MYO16: variants seen among roughly 807,000 people sequenced by gnomAD.
MYO16 encodes myosin XVI.
MYO16 carries 94 observed loss-of-function variants against 205.3 expected under a neutral mutation model. The ratio of observed to expected loss-of-function variants is 0.46; its 90% CI spans 0.39 to 0.54. The LOEUF (loss-of-function observed/expected upper bound fraction) is 0.54. Ranked by LOEUF, MYO16 falls within the 20% of genes least tolerant of loss-of-function variation. The pLI is 0.00. For synonymous variants in MYO16, 988 were observed against 954.0 expected, an observed-to-expected ratio of 1.04 and a Z score of -0.66; for missense variants, 2,315 against 2,387.5, an observed-to-expected ratio of 0.97 and a Z score of 0.63.
At chr13:108,964,705 G>T (rs1371148349) in intron 19 of MYO16, 56 bp from the exon 20 acceptor site, 1 of 1,578,766 alleles carries the variant, frequency 6.3e-7, no homozygotes. Flanking sequence ...GTTTTGGTTG[G>T]CTTCTAAATG....
chr13:109,036,698 T>G (rs1886727854), intron 23 of MYO16, among the ~76,000 whole-genome samples: 4 of 152,198 alleles, frequency 2.6e-5, no homozygotes, highest in Admixed American at 2.6e-4. Flanking sequence ...AGATCCATAT[T>G]GAGTCGCATG....
At chr13:109,133,962 G>C (rs1444392475) in intron 31 of MYO16, among the ~76,000 whole-genome samples, 1 of 152,156 alleles carries the variant, frequency 6.6e-6, no homozygotes, top group Non-Finnish European at 1.5e-5. Context: ...TTGTTATGGA[G>C]TAGAACAGGA....
At chr13:108,869,688 G>A (rs1427891309) in intron 12 of MYO16, among the ~76,000 whole-genome samples, 19 of 130,898 alleles carry the variant, frequency 1.5e-4, no homozygotes, top group Non-Finnish European at 2.6e-4. Context: ...CCGAGATCGT[G>A]CCACTGCACT....
intron 5 of MYO16, 81 bp downstream of exon 5, chr13:108,785,824 A>C (rs890842785): frequency 3.2e-6 from 3 of 942,830 alleles, no homozygotes; most frequent in Admixed American, 2.3e-5. Flanking sequence ...AGGTTTGCTT[A>C]CATGATTTCC....
the MYO16 span, among the ~76,000 whole-genome samples, chr13:108,504,857 T>C: frequency 3.3e-5 from 5 of 152,312 alleles, no homozygotes; most frequent in African/African-American, 1.2e-4. Flanking sequence ...CTATTTGCTG[T>C]TTCTATGAGT....
At chr13:108,643,655 G>T (rs1048657898) in intron 1 of MYO16, among the ~76,000 whole-genome samples, 2 of 152,150 alleles carry the variant, frequency 1.3e-5, no homozygotes, top group African/African-American at 4.8e-5. Flanking sequence ...TGTTGAGTAG[G>T]ATTCTCTTTG....
At chr13:108,549,356 G>A in the MYO16 span, among the ~76,000 whole-genome samples, 3 of 152,042 alleles carry the variant, frequency 2.0e-5, no homozygotes, top group Non-Finnish European at 4.4e-5. Flanking sequence ...GAAAAGGCTG[G>A]AGAACAGAGG....
chr13:108,801,031 G>C (rs184894313), intron 6 of MYO16, among the ~76,000 whole-genome samples: 6 of 152,268 alleles, frequency 3.9e-5, no homozygotes, highest in African/African-American at 1.2e-4. Context: ...TTAACATTTT[G>C]CATTAAAGAG....
At chr13:108,837,257 G>T (rs949163652) in intron 9 of MYO16, among the ~76,000 whole-genome samples, 1 of 152,092 alleles carries the variant, frequency 6.6e-6, no homozygotes, top group African/African-American at 2.4e-5. Context: ...ACCCTGTGAA[G>T]AGGTGCCTTC....
intron 23 of MYO16, among the ~76,000 whole-genome samples, chr13:109,041,436 A>G (rs1363148019): frequency 6.6e-6 from 1 of 152,234 alleles, no homozygotes; most frequent in African/African-American, 2.4e-5. Flanking sequence ...GTTTATAAAG[A>G]AGAATGAAGT....
intron 16 of MYO16, among the ~76,000 whole-genome samples, chr13:108,952,122 TAA>T (rs1883177601): frequency 8.5e-6 from 1 of 118,116 alleles, no homozygotes; most frequent in African/African-American, 3.2e-5. Context: ...AATAAATAAA[TAA>T]ATAAATAAAT....
chr13:108,988,903 C>G (rs1314804958), intron 20 of MYO16, among the ~76,000 whole-genome samples: 2 of 152,150 alleles, frequency 1.3e-5, no homozygotes, highest in Non-Finnish European at 2.9e-5. Context: ...AGTGCTTTTT[C>G]TCCTTATTCC....
intron 18 of MYO16, among the ~76,000 whole-genome samples, chr13:108,962,021 C>G (rs975950439): frequency 2.6e-5 from 4 of 152,176 alleles, no homozygotes; most frequent in African/African-American, 9.7e-5. Context: ...TTTCAAAGAT[C>G]TTGCCAAAAA....
chr13:108,833,549 G>A (rs1236775082), intron 9 of MYO16, among the ~76,000 whole-genome samples: 1 of 152,048 alleles, frequency 6.6e-6, no homozygotes, highest in Admixed American at 6.5e-5. Flanking sequence ...TTTTGTTGTT[G>A]TTGTCCTCAT....
At chr13:109,088,847 C>T (rs1045251143) in intron 27 of MYO16, among the ~76,000 whole-genome samples, 6 of 152,162 alleles carry the variant, frequency 3.9e-5, no homozygotes, top group African/African-American at 1.4e-4. Context: ...ACAGCCCCGC[C>T]GAGGGCCTCA....
chr13:108,879,311 TAAATGTGTGTA>T (rs1340830526), intron 12 of MYO16, among the ~76,000 whole-genome samples: 1 of 152,238 alleles, frequency 6.6e-6, no homozygotes, highest in Admixed American at 6.5e-5. Context: ...GCTATAATTT[TAAATGTGTGTA>T]AAATGTGTAG....
At chr13:108,650,337 T>A (rs1229969303) in intron 1 of MYO16, among the ~76,000 whole-genome samples, 1 of 152,208 alleles carries the variant, frequency 6.6e-6, no homozygotes, top group Non-Finnish European at 1.5e-5. Context: ...GCAATGTTGC[T>A]TCAGACTCAG....
At chr13:109,093,924 A>G (rs928704237) in intron 27 of MYO16, among the ~76,000 whole-genome samples, 44 of 152,140 alleles carry the variant, frequency 2.9e-4, no homozygotes, top group African/African-American at 1.0e-3. Context: ...CCCAGGAATC[A>G]GGGTCTGAGC....
chr13:108,674,657 C>A (rs891206147), intron 2 of MYO16, among the ~76,000 whole-genome samples: 4 of 152,180 alleles, frequency 2.6e-5, no homozygotes, highest in Non-Finnish European at 5.9e-5. Context: ...AGGAACATGA[C>A]CAAGCCTGGA....
Sources: allele counts gnomAD v4.1 joint callset (sites outside exome capture counted in the v4.1 genomes callset), GRCh38; gene constraint gnomAD v4.1.1; transcripts MANE v1.5; gene names NCBI Gene and HGNC (gene_info 2026-07-23, HGNC 2026-07-21).